The following PHACTR1 variants were observed in gnomAD, a reference collection of about 807,000 sequenced individuals.
PHACTR1 encodes the protein RPEL repeat containing 1.
Under a neutral mutation model 69.2 loss-of-function variants are expected in PHACTR1, and 16 were observed. That is an observed-to-expected ratio of 0.23 (90% CI 0.16 to 0.35). The LOEUF (loss-of-function observed/expected upper bound fraction) is 0.35. Ranked by LOEUF, PHACTR1 falls within the 10% of genes least tolerant of loss-of-function variation. The probability of loss-of-function intolerance (pLI) is 1.00; values close to 1 mark genes in which losing one functional copy is unlikely to be tolerated. For missense variants in PHACTR1, 510 were observed against 734.7 expected, an observed-to-expected ratio of 0.69 and a Z score of 3.54; for synonymous variants, 312 against 284.5, an observed-to-expected ratio of 1.10 and a Z score of -0.97.
At chr6:12,983,547 A>T (rs1423403121) in intron 4 of PHACTR1, among the ~76,000 whole-genome samples, 1 of 152,046 alleles carries the variant, frequency 6.6e-6, no homozygotes. Context: ...TTATTTATTT[A>T]TTTATTTTTA....
At chr6:13,205,183 A>C (rs958872804) in intron 7 of PHACTR1, among the ~76,000 whole-genome samples, 52 of 152,282 alleles carry the variant, frequency 3.4e-4, no homozygotes, top group African/African-American at 1.2e-3. Flanking sequence ...GCACATGGCA[A>C]GAGAGGAAGC....
At chr6:13,010,817 TAA>T (rs112258683) in intron 4 of PHACTR1, among the ~76,000 whole-genome samples, 6 of 143,210 alleles carry the variant, frequency 4.2e-5, no homozygotes, top group Non-Finnish European at 3.1e-5. Flanking sequence ...TCAACTTGGT[TAA>T]AAAAAAAAAA....
rs143822774 is a variant in PHACTR1 at position 12,760,290 on chromosome 6, C to T, written c.250+10500C>T. The stretch of plus-strand genomic sequence containing the variant: ...TTTTACCCCTATTCAATCCTTCTTA[C>T]TTAGACAACACAATGAATATGAGTA... On this transcript the variant is annotated intron_variant, in intron 4 of 14. Transcript: ENST00000332995. Among the ~76,000 whole-genome samples, 477 of 152,302 alleles carry T rather than the reference C, an allele frequency of 3.1e-3. 4 individuals are homozygous for T. Among genetic ancestry groups the T allele is most frequent in the African/African-American group, 9.8e-3 (406 of 41,548 alleles).
chr6:12,890,570 T>C (rs1030980666), intron 4 of PHACTR1, among the ~76,000 whole-genome samples: 2 of 152,146 alleles, frequency 1.3e-5, no homozygotes, highest in African/African-American at 4.8e-5. Flanking sequence ...TGGGCCACCT[T>C]GTTCCTGAAC....
chr6:12,984,549 G>A (rs1795891137), intron 4 of PHACTR1, among the ~76,000 whole-genome samples: 2 of 152,158 alleles, frequency 1.3e-5, no homozygotes, highest in Non-Finnish European at 2.9e-5. Flanking sequence ...CTAACCTTAG[G>A]AACTTATATC....
chr6:12,922,679 G>A (rs1015825495), intron 4 of PHACTR1, among the ~76,000 whole-genome samples: 1 of 152,128 alleles, frequency 6.6e-6, no homozygotes, highest in Non-Finnish European at 1.5e-5. Flanking sequence ...TTTCAATAGT[G>A]TGCATTCCTA....
chr6:13,261,864 G>T (rs1775960464), intron 10 of PHACTR1, among the ~76,000 whole-genome samples: 1 of 152,182 alleles, frequency 6.6e-6, no homozygotes, highest in African/African-American at 2.4e-5. Context: ...GAATGGTAAG[G>T]CTATGAGGAA....
intron 7 of PHACTR1, among the ~76,000 whole-genome samples, chr6:13,201,090 G>A (rs898867274): frequency 1.3e-5 from 2 of 152,304 alleles, no homozygotes; most frequent in African/African-American, 2.4e-5. Context: ...CAGTGAGCAC[G>A]TTCCATCATT....
In PHACTR1 at chr6:12,806,039, T is replaced by A. The variant is rs553396914; in HGVS notation, c.250+56249T>A. 2.4e-4 allele frequency among the ~76,000 whole-genome samples: 36 copies of A among 152,330 alleles called. No homozygotes were observed. The South Asian group carries it at 5.6e-3, about 24-fold the overall frequency. ...CCCAAATCCCAATTTTATGGTCTCC[T>A]ACCCCTTTTTCCCAAATATAGCTCA... is the stretch of plus-strand genomic sequence containing the variant. On this transcript the variant is annotated intron_variant, in intron 4 of 14. Transcript: ENST00000332995.
In PHACTR1 at chr6:13,053,496, A is replaced by G; in HGVS notation, c.382A>G (p.Lys128Glu). 1 of 1,613,904 alleles carries G rather than the reference A, an allele frequency of 6.2e-7. No homozygotes were observed. The highest frequency in any genetic ancestry group is 1.3e-5 in the African/African-American group (1 of 75,052). Residue 128 changes from lysine to glutamate, a missense_variant, in exon 5 of 15, where the codon AAG becomes GAG. This residue lies in a region of PHACTR1 where 419 missense variants were observed against 530.9 expected (regional missense o/e 0.79). Transcript: ENST00000332995. Reference sequence around the variant, plus strand: ...TTTCAAGCCTTGGAAATGGAGGAAGAAGAAAAGCGAAAAGTTCAAACACAC... The same window carrying G: ...TTTCAAGCCTTGGAAATGGAGGAAGGAGAAAAGCGAAAAGTTCAAACACAC... The part of the protein sequence containing the change: ...RIFKPWKWRK[K>E]KSEKFKHTSA...
chr6:13,005,513 A>T (rs1309535301), intron 4 of PHACTR1, among the ~76,000 whole-genome samples: 1 of 152,096 alleles, frequency 6.6e-6, no homozygotes, highest in Non-Finnish European at 1.5e-5. Context: ...ATTTGTGTGG[A>T]TATAATATGA....
chr6:12,766,119 T>G (rs1379301158), intron 4 of PHACTR1, among the ~76,000 whole-genome samples: 1 of 152,174 alleles, frequency 6.6e-6, no homozygotes, highest in Non-Finnish European at 1.5e-5. Flanking sequence ...TTTTATATAT[T>G]TCTGAAAACG....
intron 5 of PHACTR1, among the ~76,000 whole-genome samples, chr6:13,147,882 T>G (rs1310058719): frequency 6.6e-6 from 1 of 152,194 alleles, no homozygotes; most frequent in Non-Finnish European, 1.5e-5. Context: ...GAACACCGTG[T>G]AACCACTGCC....
At chr6:12,851,965 G>A (rs1779868420) in intron 4 of PHACTR1, among the ~76,000 whole-genome samples, 1 of 152,040 alleles carries the variant, frequency 6.6e-6, no homozygotes, top group Non-Finnish European at 1.5e-5. Flanking sequence ...CTCCTGAGTA[G>A]CTGAGATTAC....
At position 13,205,747 on chromosome 6, in the gene PHACTR1, T is replaced by C. The variant is rs1239115110; in HGVS notation, c.665-68T>C. ...TGGCCACAGTCTCCAGGTGAGCGCATCTGGTGTTCTGAGTTTCTTCTGATG... is the reference window on the plus strand; with the variant it reads ...TGGCCACAGTCTCCAGGTGAGCGCACCTGGTGTTCTGAGTTTCTTCTGATG... On this transcript the variant is annotated intron_variant, in intron 7 of 14. Transcript: ENST00000332995. 3.5e-6 allele frequency: 5 copies of C among 1,418,194 alleles called. No individual in the cohort carries two copies. The Admixed American group carries it at 1.0e-4, about 28-fold the overall frequency. The allele number at this position is 1,418,194 out of a possible 1,614,324, so 87.9% of individuals were successfully genotyped here.
chr6:12,827,638 T>C (rs1219403199), intron 4 of PHACTR1, among the ~76,000 whole-genome samples: 1 of 152,196 alleles, frequency 6.6e-6, no homozygotes, highest in East Asian at 1.9e-4. Flanking sequence ...AAATCCAATT[T>C]ACTAGGATTG....
intron 5 of PHACTR1, among the ~76,000 whole-genome samples, chr6:13,073,857 G>A (rs1325288273): frequency 6.6e-6 from 1 of 151,204 alleles, no homozygotes; most frequent in Non-Finnish European, 1.5e-5. Flanking sequence ...AAGTAGTAGA[G>A]TTCATATTTT....
chr6:13,228,092 G>A (rs776427073), intron 9 of PHACTR1, 29 bp downstream of exon 9: 3 of 1,594,156 alleles, frequency 1.9e-6, no homozygotes, highest in African/African-American at 2.7e-5. Context: ...ATCACCAGGG[G>A]TGGGGAAGCA....
intron 4 of PHACTR1, among the ~76,000 whole-genome samples, chr6:13,017,989 T>C (rs1053023571): frequency 1.3e-5 from 2 of 152,246 alleles, no homozygotes; most frequent in Admixed American, 6.5e-5. Flanking sequence ...TAAACATTTA[T>C]ATAGAAATTT....
Sources: gnomAD v4.1 joint callset for allele counts (sites outside exome capture counted in the v4.1 genomes callset) on GRCh38, gnomAD v4.1.1 for gene constraint, gnomAD v4.1.1 regional missense constraint, MANE v1.5 for transcripts, NCBI Gene and HGNC (gene_info 2026-07-23, HGNC 2026-07-21) for gene names.